MYRIP: variants seen among roughly 807,000 people sequenced by gnomAD.
MYRIP encodes the protein myosin VIIA and Rab interacting protein.
MYRIP carries 49 observed loss-of-function variants against 98.0 expected under a neutral mutation model. The observed-to-expected ratio is 0.50, with a 90% confidence interval of 0.40 to 0.63. The LOEUF is 0.63. Among genes scored for constraint, MYRIP ranks in the 30% least tolerant of loss-of-function variants. The pLI is 0.00. For missense variants in MYRIP, 1,004 were observed against 1,058.2 expected, an observed-to-expected ratio of 0.95 and a Z score of 0.71; for synonymous variants, 404 against 409.5, an observed-to-expected ratio of 0.99 and a Z score of 0.16.
chr3:40,080,791 C>CTTTTTTTTTTTTTTTTTTTTTT (rs34610302), intron 3 of MYRIP, among the ~76,000 whole-genome samples: 14 of 93,842 alleles, frequency 1.5e-4, no homozygotes, highest in African/African-American at 1.7e-4. Flanking sequence ...ATCCTAACTT[C>CTTTTTTTTTTTTTTTTTTTTTT]TTTTTTTTTT....
intron 2 of MYRIP, among the ~76,000 whole-genome samples, chr3:40,033,470 G>A (rs1404890675): frequency 1.3e-5 from 2 of 152,114 alleles, no homozygotes; most frequent in African/African-American, 2.4e-5. Flanking sequence ...CCCGTTCACA[G>A]TTGTTTCAAA....
At chr3:39,999,379 C>G (rs1308420721) in intron 2 of MYRIP, among the ~76,000 whole-genome samples, 1 of 152,190 alleles carries the variant, frequency 6.6e-6, no homozygotes, top group African/African-American at 2.4e-5. Flanking sequence ...TGAACAGACA[C>G]TTCTCAAAAG....
intron 3 of MYRIP, among the ~76,000 whole-genome samples, chr3:40,056,856 A>T (rs1947895812): frequency 6.6e-6 from 1 of 152,068 alleles, no homozygotes; most frequent in Non-Finnish European, 1.5e-5. Context: ...GGAATTACAG[A>T]CTCTGGAATT....
chr3:40,052,402 T>G (rs1013007981), intron 3 of MYRIP, among the ~76,000 whole-genome samples: 1 of 152,186 alleles, frequency 6.6e-6, no homozygotes, highest in Admixed American at 6.6e-5. Flanking sequence ...TACTCCAATG[T>G]ATTTGTAATA....
chr3:40,096,281 A>G (rs1948833727), intron 3 of MYRIP, among the ~76,000 whole-genome samples: 1 of 152,142 alleles, frequency 6.6e-6, no homozygotes, highest in African/African-American at 2.4e-5. Context: ...GGGCATGGTC[A>G]CACAGTCACT....
At chr3:40,209,489 A>C (rs1263384737) in intron 10 of MYRIP, among the ~76,000 whole-genome samples, 1 of 152,136 alleles carries the variant, frequency 6.6e-6, no homozygotes, top group Admixed American at 6.5e-5. Flanking sequence ...TGAATATGGA[A>C]AGTTTTAGTG....
intron 3 of MYRIP, among the ~76,000 whole-genome samples, chr3:40,132,320 C>T (rs1329553741): frequency 2.0e-5 from 3 of 152,186 alleles, no homozygotes; most frequent in African/African-American, 7.2e-5. Context: ...CAGTTGCCTC[C>T]TAAGAAGTTC....
chr3:39,916,505 A>G (rs1466132114), intron 2 of MYRIP, among the ~76,000 whole-genome samples: 1 of 152,118 alleles, frequency 6.6e-6, no homozygotes, highest in East Asian at 1.9e-4. Context: ...ATTATATTAC[A>G]AAGTACTGAT....
intron 2 of MYRIP, among the ~76,000 whole-genome samples, chr3:39,993,877 C>T (rs907031838): frequency 2.0e-5 from 3 of 152,166 alleles, no homozygotes; most frequent in Non-Finnish European, 4.4e-5. Context: ...AGACTGTCAA[C>T]CTTCTCATTA....
At chr3:39,956,373 C>T (rs973237036) in intron 2 of MYRIP, among the ~76,000 whole-genome samples, 2 of 152,182 alleles carry the variant, frequency 1.3e-5, no homozygotes, top group Admixed American at 1.3e-4. Flanking sequence ...GATTAAGAAA[C>T]TCACTCAAAA....
chr3:39,966,461 C>G (rs1945444948), intron 2 of MYRIP, among the ~76,000 whole-genome samples: 1 of 152,178 alleles, frequency 6.6e-6, no homozygotes, highest in Non-Finnish European at 1.5e-5. Flanking sequence ...CAGAGCATGT[C>G]TTAGTGAATA....
intron 3 of MYRIP, among the ~76,000 whole-genome samples, chr3:40,112,129 T>A (rs1047330416): frequency 4.0e-4 from 61 of 152,136 alleles, no homozygotes; most frequent in Non-Finnish European, 2.6e-4. Flanking sequence ...GTTCCCTGCA[T>A]TGCTTCTGTG....
At chr3:40,172,969 T>C (rs1193341048) in intron 8 of MYRIP, among the ~76,000 whole-genome samples, 1 of 152,174 alleles carries the variant, frequency 6.6e-6, no homozygotes, top group Non-Finnish European at 1.5e-5. Context: ...AACAGACCTT[T>C]TCTGATTTTT....
At chr3:40,218,614 A>T (rs200911349) in intron 11 of MYRIP, among the ~76,000 whole-genome samples, 6 of 7,140 alleles carry the variant, frequency 8.4e-4, no homozygotes, top group East Asian at 0.014. Context: ...TATATATTTT[A>T]TATATATATA....
intron 1 of MYRIP, among the ~76,000 whole-genome samples, chr3:39,844,668 C>T (rs973793480): frequency 2.6e-5 from 4 of 152,140 alleles, no homozygotes; most frequent in African/African-American, 4.8e-5. Context: ...ACTTTATGTC[C>T]ATAGTCAGAG....
intron 1 of MYRIP, among the ~76,000 whole-genome samples, chr3:39,833,652 A>C (rs1040675802): frequency 1.3e-5 from 2 of 152,166 alleles, no homozygotes; most frequent in Non-Finnish European, 2.9e-5. Flanking sequence ...GAATTTAGAA[A>C]AAATGGGCAG....
intron 2 of MYRIP, chr3:39,970,004 G>T (rs1163385486): frequency 6.6e-6 from 1 of 152,080 alleles, no homozygotes; most frequent in Non-Finnish European, 1.5e-5. Flanking sequence ...GGAGCTTGTT[G>T]TTAAGTCTGT....
At chr3:40,018,525 A>G (rs1474526780) in intron 2 of MYRIP, among the ~76,000 whole-genome samples, 1 of 152,154 alleles carries the variant, frequency 6.6e-6, no homozygotes, top group African/African-American at 2.4e-5. Context: ...CAAAGACATG[A>G]GTGGTCTTTT....
chr3:39,930,221 T>C (rs566846248), intron 2 of MYRIP, among the ~76,000 whole-genome samples: 1 of 152,196 alleles, frequency 6.6e-6, no homozygotes, highest in Admixed American at 6.5e-5. Flanking sequence ...TACTCATTAT[T>C]TCCTGTCTTT....
Sources: gnomAD v4.1 joint callset for allele counts (sites outside exome capture counted in the v4.1 genomes callset) on GRCh38, gnomAD v4.1.1 for gene constraint, MANE v1.5 for transcripts, NCBI Gene and HGNC (gene_info 2026-07-23, HGNC 2026-07-21) for gene names.